The following GRSF1 variants were observed in gnomAD, a reference collection of about 807,000 sequenced individuals.
GRSF1 encodes the protein G-rich sequence factor 1.
A neutral mutation model predicts 51.1 loss-of-function variants in GRSF1; 50 were observed. The ratio of observed to expected loss-of-function variants is 0.98; its 90% CI spans 0.78 to 1.24. The LOEUF is 1.24. Among genes scored for constraint, GRSF1 ranks in the 50% most tolerant of loss-of-function variants. The pLI is 0.00. For synonymous variants in GRSF1, 293 were observed against 253.3 expected (o/e 1.16, Z -1.49); for missense variants, 700 against 639.7 (o/e 1.09, Z -1.02).
chr4:70,837,458 G>A (rs189003292), intron 1 of GRSF1, among the ~76,000 whole-genome samples: 1 of 150,990 alleles, frequency 6.6e-6, no homozygotes, highest in Admixed American at 6.6e-5. Flanking sequence ...CAGCTACTCG[G>A]GAGGCTGAGG....
In GRSF1 at chr4:70,834,531, G is replaced by A. The variant is rs908072919; in HGVS notation, c.515-1258C>T. Among the ~76,000 whole-genome samples the A allele has an allele frequency of 6.6e-5, 10 of 152,146 alleles. No individual in the cohort carries two copies. The East Asian group carries it at 1.2e-3, about 18-fold the overall frequency. ...GTTTTTCAACTTTTATTTAGTACAT[G>A]TATAGGACTGCTACATAGGTAAACC... On this transcript the variant is annotated intron_variant, in intron 2 of 9. Transcript: ENST00000254799.
At chr4:70,842,714 T>A (rs1684447291), upstream of GRSF1, among the ~76,000 whole-genome samples, 1 of 152,234 alleles carries the variant, frequency 6.6e-6, no homozygotes, top group Admixed American at 6.5e-5. Context: ...TGCCTATATT[T>A]ACTCTTGCCC....
At position 70,817,576 on chromosome 4, in the gene GRSF1, G is replaced by C. The variant is rs1317672236; in HGVS notation, c.*3311C>G. 1.3e-5 allele frequency: 2 copies of C among 152,108 alleles called. No homozygotes were observed. The highest frequency in any genetic ancestry group is 4.8e-5 in the African/African-American group (2 of 41,414). 9.4% of individuals were successfully genotyped at this position (152,108 alleles called of 1,614,324 possible). A position where few individuals can be genotyped will look rare whatever the true frequency, so the allele number is the denominator to read the frequency against. ...ATGGGATTGGGAATTAAAACGATGA[G>C]ACCACTATTCACCCATTAGCTAAAA... On this transcript the variant is annotated 3_prime_UTR_variant, in exon 10 of 10. Coordinates refer to ENST00000254799, the MANE Select transcript of GRSF1 (RefSeq NM_002092.4).
intron 5 of GRSF1, among the ~76,000 whole-genome samples, chr4:70,830,676 G>T (rs1295633591): frequency 1.3e-5 from 2 of 151,874 alleles, no homozygotes; most frequent in Admixed American, 1.3e-4. Context: ...AAACTTAGCT[G>T]GGCATGGTGG....
rs191385297 is a variant in GRSF1 at position 70,822,936 on chromosome 4, A to C, written c.*25+1358T>G. ...ATGGTGAAACCTCATCTCTACTAAA[A>C]ATACAAAAAAATTAGCCAGGCATTG... On this transcript the variant is annotated intron_variant, in intron 9 of 9. Coordinates refer to ENST00000254799, the MANE Select transcript of GRSF1 (RefSeq NM_002092.4). Among the ~76,000 whole-genome samples the C allele has an allele frequency of 5.3e-5, 8 of 152,188 alleles. 1 individual carries two copies. The highest frequency in any genetic ancestry group is 4.6e-4 in the Admixed American group (7 of 15,264).
chr4:70,834,102 T>C (rs1201940415), intron 2 of GRSF1, among the ~76,000 whole-genome samples: 2 of 151,978 alleles, frequency 1.3e-5, no homozygotes, highest in Admixed American at 6.6e-5. Flanking sequence ...CTACTAAAAA[T>C]ACAAAAATTA....
Position 70,828,749 on chromosome 4 carries a change from T to G in GRSF1, c.951-713A>C, listed in dbSNP as rs989067090. ...CACACACTGCTAATTTTTTTTTTTT[T>G]TTTTTGAAGCAGAGTTTTGCTTTTG... On this transcript the variant is annotated intron_variant, in intron 5 of 9. Transcript: ENST00000254799. Among the ~76,000 whole-genome samples, 1,150 of 151,634 alleles carry G rather than the reference T, an allele frequency of 7.6e-3. 16 individuals are homozygous for G. The highest frequency in any genetic ancestry group is 0.027 in the African/African-American group (1,116 of 41,376).
At chr4:70,830,287 CACAT>C (rs539288898) in intron 5 of GRSF1, among the ~76,000 whole-genome samples, 3 of 152,056 alleles carry the variant, frequency 2.0e-5, no homozygotes, top group Non-Finnish European at 4.4e-5. Flanking sequence ...CACGCACACA[CACAT>C]ACACACAGCC....
At position 70,826,186 on chromosome 4, in the gene GRSF1, A is replaced by T. The variant is rs545709024; in HGVS notation, c.1195T>A (p.Ser399Thr). 1.9e-6 allele frequency: 3 copies of T among 1,611,122 alleles called. No homozygotes were observed. The highest frequency in any genetic ancestry group is 2.5e-6 in the Non-Finnish European group (3 of 1,178,178). The change falls in exon 7 of 10, where the codon TCT (serine) becomes ACT (threonine). Residue 399 changes from serine (S) to threonine (T), a missense_variant. By Grantham distance (58) the Ser-to-Thr change is moderately conservative. Transcript: ENST00000254799. The part of the protein sequence containing the change: ...PEAADFGTTS[S>T]LHFVHMRGLP... Reference sequence around the variant, plus strand: ...CCTCTCATGTGGACAAAATGCAGAGAAGACGTAGTTCCAAAATCAGCAGCC... The same window carrying T: ...CCTCTCATGTGGACAAAATGCAGAGTAGACGTAGTTCCAAAATCAGCAGCC...
chr4:70,815,833 G>C lies in GRSF1; in HGVS notation c.*5054C>G, dbSNP rs1733289435. 6.6e-6 allele frequency: 1 copy of C among 152,128 alleles called. No homozygotes were observed. Among genetic ancestry groups the C allele is most frequent in the African/African-American group, 2.4e-5 (1 of 41,416 alleles). The allele number at this position is 152,128 out of a possible 1,614,324, so 9.4% of individuals were successfully genotyped here. On this transcript the variant is annotated 3_prime_UTR_variant, in exon 10 of 10. Transcript: ENST00000254799. Reference sequence around the variant, plus strand: ...TCATGATAGCCCCAAACTAGAAACAGCCCATTGTTCACCAGTTAGTTGTTC... The same window carrying C: ...TCATGATAGCCCCAAACTAGAAACACCCCATTGTTCACCAGTTAGTTGTTC...
At chr4:70,825,762 T>A (rs1560595380) in intron 7 of GRSF1, 1 of 295,778 alleles carries the variant, frequency 3.4e-6, no homozygotes. Context: ...TGAAACCCCA[T>A]CTCTACTGAA....
intron 9 of GRSF1, among the ~76,000 whole-genome samples, chr4:70,822,277 T>TA (rs1329111793): frequency 1.3e-5 from 2 of 152,094 alleles, no homozygotes; most frequent in Non-Finnish European, 2.9e-5. Flanking sequence ...GGTATCCTTT[T>TA]AAAAATACCT....
chr4:70,841,975 G>C (rs1734469333), upstream of GRSF1, among the ~76,000 whole-genome samples: 1 of 152,204 alleles, frequency 6.6e-6, no homozygotes, highest in Non-Finnish European at 1.5e-5. Flanking sequence ...GAAAACCCCA[G>C]AGCAAGAACC....
rs999504084 is a variant in GRSF1, at chr4:70,839,501, C to T, written c.327G>A (p.Ala109=). The change falls in exon 1 of 10, where the codon GCG becomes GCA. Residue 109 remains alanine (A), a synonymous_variant. Coordinates refer to ENST00000254799, the MANE Select transcript of GRSF1 (RefSeq NM_002092.4). ...ASLLPQSLAA[A]AAVPTRSYSQ... is the part of the protein sequence containing the mutation. ...TGTAGCTGCGCGTCGGGACGGCGGCCGCCGCCGCCAGCGACTGCGGCAGCA... is the reference window on the plus strand; with the variant it reads ...TGTAGCTGCGCGTCGGGACGGCGGCTGCCGCCGCCAGCGACTGCGGCAGCA... 1.4e-6 allele frequency: 2 copies of T among 1,421,140 alleles called. No individual in the cohort carries two copies. Among genetic ancestry groups the T allele is most frequent in the Non-Finnish European group, 1.8e-6 (2 of 1,095,700 alleles). The allele number at this position is 1,421,140 out of a possible 1,614,324, so 88.0% of individuals were successfully genotyped here. A position where few individuals can be genotyped will look rare whatever the true frequency, so the allele number is the denominator to read the frequency against.
At chr4:70,841,245 C>A (rs1229854801), upstream of GRSF1, among the ~76,000 whole-genome samples, 1 of 152,172 alleles carries the variant, frequency 6.6e-6, no homozygotes, top group Non-Finnish European at 1.5e-5. Flanking sequence ...ATTGCCACCA[C>A]TGAACTCCAG....
upstream of GRSF1, among the ~76,000 whole-genome samples, chr4:70,842,953 G>C (rs1406435456): frequency 6.6e-6 from 1 of 152,050 alleles, no homozygotes; most frequent in African/African-American, 2.4e-5. Flanking sequence ...AGCACAAACT[G>C]ACCCTAAAAC....
chr4:70,839,424 C>A lies in GRSF1; in HGVS notation c.357+47G>T, dbSNP rs1054855584. The A allele has an allele frequency of 2.7e-6, 4 of 1,500,642 alleles. No individual in the cohort carries two copies. In the African/African-American group the frequency reaches 4.2e-5, roughly 16 times the overall value. 93.0% of individuals were successfully genotyped at this position (1,500,642 alleles called of 1,614,324 possible). On this transcript the variant is annotated intron_variant, in intron 1 of 9. Transcript: ENST00000254799. ...GGAGGGGCGCGGGGGCGCGTGCACG[C>A]GGCCCGGGAGGGATCTCGCGCCAGG... is the stretch of plus-strand genomic sequence containing the variant.
In GRSF1 at chr4:70,830,885, AAT is replaced by A. The variant is rs1275228153; in HGVS notation, c.950+652_950+653del. On this transcript the variant is annotated intron_variant, in intron 5 of 9. Coordinates refer to ENST00000254799, the MANE Select transcript of GRSF1 (RefSeq NM_002092.4). ...ATGCTATTATGAACTGTTATTAGATAATATACTATTGCTAACAGTGTTAGATA... is the reference window on the plus strand; with the variant it reads ...ATGCTATTATGAACTGTTATTAGATAATACTATTGCTAACAGTGTTAGATA... 4.6e-5 allele frequency among the ~76,000 whole-genome samples: 7 copies of A among 152,326 alleles called. No homozygotes were observed. In the East Asian group the frequency reaches 1.3e-3, roughly 29 times the overall value.
intron 2 of GRSF1, among the ~76,000 whole-genome samples, chr4:70,835,343 T>C (rs2148846015): frequency 6.8e-6 from 1 of 147,784 alleles, no homozygotes. Context: ...GGCAGGAGAA[T>C]GGTGTGAACC....
Sources: gnomAD v4.1 joint callset for allele counts (sites outside exome capture counted in the v4.1 genomes callset) on GRCh38, gnomAD v4.1.1 for gene constraint, MANE v1.5 for transcripts, NCBI Gene and HGNC (gene_info 2026-07-23, HGNC 2026-07-21) for gene names.